Variants in LPAR1 observed in about 807,000 individuals in gnomAD.
The protein encoded by LPAR1 is lysophosphatidic acid receptor 1.
A neutral mutation model predicts 23.8 loss-of-function variants in LPAR1; 5 were observed. The ratio of observed to expected loss-of-function variants is 0.21; its 90% confidence interval spans 0.11 to 0.44. The LOEUF is 0.44. Among genes scored for constraint, LPAR1 ranks in the 20% least tolerant of loss-of-function variants. The pLI is 0.99. For missense variants in LPAR1, 311 were observed against 482.8 expected, an observed-to-expected ratio of 0.64 and a Z score of 3.33; for synonymous variants, 160 against 164.7, an observed-to-expected ratio of 0.97 and a Z score of 0.22.
At chr9:110,885,210 T>G (rs563728960) in intron 5 of LPAR1, among the ~76,000 whole-genome samples, 8 of 152,232 alleles carry the variant, frequency 5.3e-5, no homozygotes, top group African/African-American at 1.9e-4. Flanking sequence ...TCCTATACTA[T>G]CACTGTTTCC....
chr9:110,967,651 G>A (rs189251851), intron 4 of LPAR1, among the ~76,000 whole-genome samples: 20 of 152,328 alleles, frequency 1.3e-4, no homozygotes, highest in African/African-American at 4.8e-4. Context: ...TAAGGTGACT[G>A]AGTGAGCTGC....
intron 5 of LPAR1, among the ~76,000 whole-genome samples, chr9:110,895,963 AT>A: frequency 6.6e-6 from 1 of 152,204 alleles, no homozygotes; most frequent in Non-Finnish European, 1.5e-5. Flanking sequence ...TCCATTTCGT[AT>A]TCATTTCTTA....
At chr9:110,913,380 G>C (rs2092694827) in intron 5 of LPAR1, among the ~76,000 whole-genome samples, 1 of 152,146 alleles carries the variant, frequency 6.6e-6, no homozygotes, top group African/African-American at 2.4e-5. Context: ...AGCCAAATCA[G>C]AAAGGTTCAT....
At chr9:110,949,975 G>A (rs985033718) in intron 4 of LPAR1, among the ~76,000 whole-genome samples, 1 of 152,112 alleles carries the variant, frequency 6.6e-6, no homozygotes, top group African/African-American at 2.4e-5. Context: ...CATGGAAAAT[G>A]TGCTTGGCAA....
At chr9:111,019,405 C>T (rs572001564) in intron 2 of LPAR1, among the ~76,000 whole-genome samples, 192 of 152,130 alleles carry the variant, frequency 1.3e-3, no homozygotes, top group Non-Finnish European at 2.4e-3. Flanking sequence ...AAGATGTGTT[C>T]ACTGGAACAT....
intron 4 of LPAR1, among the ~76,000 whole-genome samples, chr9:110,954,149 A>G (rs933423915): frequency 1.3e-5 from 2 of 152,186 alleles, no homozygotes; most frequent in African/African-American, 4.8e-5. Context: ...GTACTAAAGA[A>G]TTCACTGAAA....
intron 2 of LPAR1, among the ~76,000 whole-genome samples, chr9:110,977,733 C>A (rs1384425575): frequency 7.0e-6 from 1 of 143,786 alleles, no homozygotes; most frequent in Non-Finnish European, 1.5e-5. Context: ...TAAGAAACTG[C>A]ATGTTCTGCA....
chr9:110,996,510 GAGA>G (rs372211023), intron 2 of LPAR1, among the ~76,000 whole-genome samples: 8 of 152,248 alleles, frequency 5.3e-5, no homozygotes, highest in African/African-American at 1.2e-4. Flanking sequence ...AAAAATCTGG[GAGA>G]AGAAGAAACA....
upstream of LPAR1, chr9:111,038,746 G>A (rs1399948834): frequency 4.7e-6 from 2 of 427,784 alleles, no homozygotes; most frequent in African/African-American, 4.2e-5. This position sits in a 1 kb window ranked among gnomAD's most constrained non-coding sequence, Gnocchi z 4.4. Context: ...GGGCTGGGGG[G>A]TGGCCTTAGC....
chr9:110,968,285 G>T (rs2096284861), intron 4 of LPAR1, among the ~76,000 whole-genome samples: 2 of 152,140 alleles, frequency 1.3e-5, no homozygotes, highest in Non-Finnish European at 2.9e-5. Context: ...CTGGCATGAA[G>T]TCAATTGGCT....
chr9:110,898,363 C>T (rs1038510755), intron 5 of LPAR1, among the ~76,000 whole-genome samples: 2 of 152,098 alleles, frequency 1.3e-5, no homozygotes, highest in South Asian at 4.1e-4. Flanking sequence ...GAAGTAAAAA[C>T]TTTTTTATGT....
chr9:111,018,039 C>A (rs1010587491), intron 2 of LPAR1, among the ~76,000 whole-genome samples: 11 of 150,990 alleles, frequency 7.3e-5, no homozygotes, highest in African/African-American at 1.5e-4. Flanking sequence ...AACAAACAAA[C>A]AAAAAAAAAC....
At chr9:110,951,128 T>C (rs1207464191) in intron 4 of LPAR1, among the ~76,000 whole-genome samples, 2 of 152,172 alleles carry the variant, frequency 1.3e-5, no homozygotes, top group African/African-American at 4.8e-5. Flanking sequence ...TGTTCATTCA[T>C]GTAATAATAC....
chr9:110,980,917 T>C (rs1304270111), intron 2 of LPAR1, among the ~76,000 whole-genome samples: 1 of 152,036 alleles, frequency 6.6e-6, no homozygotes, highest in East Asian at 1.9e-4. Context: ...CAAATGTATA[T>C]CAATTAAAAT....
At chr9:110,913,784 C>T (rs1270237503) in intron 5 of LPAR1, among the ~76,000 whole-genome samples, 1 of 152,128 alleles carries the variant, frequency 6.6e-6, no homozygotes, top group Non-Finnish European at 1.5e-5. Flanking sequence ...CCTTCTTAGG[C>T]AGTGGGGATC....
chr9:110,888,375 T>C (rs1017367195), intron 5 of LPAR1, among the ~76,000 whole-genome samples: 4 of 152,180 alleles, frequency 2.6e-5, no homozygotes, highest in Admixed American at 6.5e-5. Context: ...TGGAGTGTTT[T>C]TATGGATTCT....
rs533060464 is a variant in LPAR1, at chr9:110,985,786, G to A, written c.-181-12228C>T. 7.2e-5 allele frequency among the ~76,000 whole-genome samples: 11 copies of A among 152,190 alleles called. 1 individual carries two copies. Among genetic ancestry groups the A allele is most frequent in the African/African-American group, 2.4e-4 (10 of 41,542 alleles). Reference sequence around the variant, plus strand: ...AATAAGTGTCACTATGAAGGCAAAGGATATATTGGCCAAACTGTTTAGCCT... The same window carrying A: ...AATAAGTGTCACTATGAAGGCAAAGAATATATTGGCCAAACTGTTTAGCCT... On this transcript the variant is annotated intron_variant, in intron 2 of 5. Coordinates refer to ENST00000683809, the MANE Select transcript of LPAR1 (RefSeq NM_001351411.2).
chr9:110,877,261 AG>A (rs2079362657), intron 5 of LPAR1, among the ~76,000 whole-genome samples: 1 of 152,212 alleles, frequency 6.6e-6, no homozygotes, highest in Admixed American at 6.5e-5. Flanking sequence ...AAAGGAGAAA[AG>A]TACCCCCATA....
At chr9:110,882,086 C>G (rs1353212423) in intron 5 of LPAR1, among the ~76,000 whole-genome samples, 1 of 152,190 alleles carries the variant, frequency 6.6e-6, no homozygotes, top group Non-Finnish European at 1.5e-5. Context: ...CCTTGGTTAT[C>G]CTAGCCAGAG....
Sources: allele counts gnomAD v4.1 joint callset (sites outside exome capture counted in the v4.1 genomes callset), GRCh38; gene constraint gnomAD v4.1.1; non-coding constraint Gnocchi (gnomAD v3.1); transcripts MANE v1.5; gene names NCBI Gene and HGNC (gene_info 2026-07-23, HGNC 2026-07-21).